STIM1: variants seen among roughly 807,000 people sequenced by gnomAD.
The protein encoded by STIM1 is stromal interaction molecule 1.
STIM1 carries 25 observed loss-of-function variants against 74.7 expected under a neutral mutation model. The ratio of observed to expected loss-of-function variants is 0.33; its 90% CI spans 0.24 to 0.47. STIM1 has a LOEUF of 0.47. STIM1 is among the 20% of genes least tolerant of loss of function. The pLI is 1.00. For missense variants in STIM1, 728 were observed against 920.8 expected (o/e 0.79, Z 2.71); for synonymous variants, 328 against 348.8 (o/e 0.94, Z 0.66).
In STIM1 at chr11:3,973,218, A is replaced by G. The variant is rs1472814496; in HGVS notation, c.270+5536A>G. ...CACCAGCATGGCTGCTACCAAAGTC[A>G]CCACAACCACTGAAGTTTCTCCTCC... On this transcript the variant is annotated intron_variant, in intron 2 of 12. Coordinates refer to ENST00000526596, the MANE Select transcript of STIM1 (RefSeq NM_001382567.1). 82 of 457,518 alleles carry G rather than the reference A, an allele frequency of 1.8e-4. 1 individual carries two copies. The highest frequency in any genetic ancestry group is 2.0e-4 in the Non-Finnish European group (46 of 233,166). 28.3% of individuals were successfully genotyped at this position (457,518 alleles called of 1,614,324 possible).
chr11:3,922,411 C>T (rs968587980), intron 1 of STIM1, among the ~76,000 whole-genome samples: 2 of 151,958 alleles, frequency 1.3e-5, no homozygotes, highest in Admixed American at 1.3e-4. Flanking sequence ...CCCAGTTTTC[C>T]ATTGGGCTAT....
chr11:3,892,832 TG>T (rs1287604660), intron 1 of STIM1: 1 of 1,611,800 alleles, frequency 6.2e-7, no homozygotes, highest in African/African-American at 1.3e-5. Context: ...GAAGGAGACA[TG>T]GCCCAAGGGC....
chr11:3,894,894 A>T (rs891753981), intron 1 of STIM1, among the ~76,000 whole-genome samples: 3 of 139,614 alleles, frequency 2.1e-5, no homozygotes, highest in Non-Finnish European at 4.6e-5. Context: ...ATGTGCCACC[A>T]CGCCTGGCTA....
At chr11:4,075,133 C>T (rs1454361811) in intron 7 of STIM1, among the ~76,000 whole-genome samples, 1 of 151,606 alleles carries the variant, frequency 6.6e-6, no homozygotes, top group African/African-American at 2.4e-5. Flanking sequence ...AAGAGTGAAT[C>T]TCTGTCTCAA....
chr11:4,045,220 G>C (rs2094181261), intron 3 of STIM1, among the ~76,000 whole-genome samples: 1 of 152,010 alleles, frequency 6.6e-6, no homozygotes, highest in African/African-American at 2.4e-5. Context: ...CAAGCAGAAA[G>C]GCCCCTTTGT....
At chr11:3,863,220 ATGTGTGTGTGTGTGTGTGTGTG>A (rs56737126) in intron 1 of STIM1, among the ~76,000 whole-genome samples, 11 of 125,804 alleles carry the variant, frequency 8.7e-5, no homozygotes, top group Admixed American at 3.9e-4. Context: ...GAGACAATGC[ATGTGTGTGTGTGTGTGTGTGTG>A]TGTGTGTGTG....
Position 4,083,362 on chromosome 11 carries a change from C to T in STIM1, c.1338C>T (p.Gly446=). The T allele has an allele frequency of 6.2e-7, 1 of 1,614,256 alleles. No homozygotes were observed. The highest frequency in any genetic ancestry group is 8.5e-7 in the Non-Finnish European group (1 of 1,180,054). The part of the protein sequence containing the change: ...LCGFQIVNNP[G]IHSLVAALNI... The stretch of plus-strand genomic sequence containing the variant: ...GCTTCCAGATTGTCAACAACCCTGG[C>T]ATCCACTCACTGGTGGCTGCCCTCA... The change falls in exon 10 of 13, where the codon GGC becomes GGT. Residue 446 remains glycine, a synonymous_variant. Transcript: ENST00000526596.
At chr11:4,089,068 C>A in intron 12 of STIM1, 28 of 254,784 alleles carry the variant, frequency 1.1e-4, no homozygotes, top group South Asian at 1.9e-4. Flanking sequence ...CCTGTCTCTA[C>A]AAAAAAAAAA....
chr11:3,982,616 A>G (rs2093517446), intron 2 of STIM1, among the ~76,000 whole-genome samples: 1 of 152,206 alleles, frequency 6.6e-6, no homozygotes, highest in South Asian at 2.1e-4. Context: ...CCATAAGGAA[A>G]GAGACTGAAT....
intron 7 of STIM1, among the ~76,000 whole-genome samples, chr11:4,076,691 T>C (rs559700367): frequency 2.0e-5 from 3 of 151,476 alleles, no homozygotes; most frequent in East Asian, 1.9e-4. Context: ...TTGTTTTTTT[T>C]CCCCCAAGTA....
At position 4,083,425 on chromosome 11, in the gene STIM1, C is replaced by G; in HGVS notation, c.1401C>G (p.Asn467Lys). The G allele has an allele frequency of 1.2e-6, 2 of 1,614,272 alleles. No individual in the cohort carries two copies. The highest frequency in any genetic ancestry group is 1.7e-6 in the Non-Finnish European group (2 of 1,180,056). ...DPSWMGSTRP[N>K]PAHFIMTDDV... ...GCTGGATGGGCAGTACACGCCCCAACCCTGCTCACTTCATCATGACTGACG... is the reference window on the plus strand; with the variant it reads ...GCTGGATGGGCAGTACACGCCCCAAGCCTGCTCACTTCATCATGACTGACG... Residue 467 changes from asparagine (N) to lysine (K), a missense_variant, in exon 10 of 13, where the codon AAC becomes AAG. By Grantham distance (94) the Asn-to-Lys change is moderately conservative. Coordinates refer to ENST00000526596, the MANE Select transcript of STIM1 (RefSeq NM_001382567.1).
chr11:3,937,317 T>TAATAATAATAATAATAATAATAATAAA (rs1224367253), intron 1 of STIM1, among the ~76,000 whole-genome samples: 1 of 149,380 alleles, frequency 6.7e-6, no homozygotes, highest in African/African-American at 2.4e-5. Context: ...ATAATAATAA[T>TAATAATAATAATAATAATAATAATAAA]AAAATATCTG....
At chr11:3,972,129 A>G (rs1411752894) in intron 2 of STIM1, among the ~76,000 whole-genome samples, 2 of 152,172 alleles carry the variant, frequency 1.3e-5, no homozygotes, top group South Asian at 2.1e-4. Flanking sequence ...TCATCTTAAA[A>G]GCCTTGCTGA....
chr11:3,941,638 T>TGAG (rs2093007714), intron 1 of STIM1, among the ~76,000 whole-genome samples: 1 of 91,868 alleles, frequency 1.1e-5, no homozygotes, highest in Admixed American at 1.1e-4. Context: ...TATAGAGAGA[T>TGAG]AGTGTGTGTG....
intron 2 of STIM1, among the ~76,000 whole-genome samples, chr11:4,015,411 C>G (rs2093886027): frequency 6.6e-6 from 1 of 152,180 alleles, no homozygotes; most frequent in Non-Finnish European, 1.5e-5. Context: ...GCCAAGAGAT[C>G]CACTGTTAGT....
chr11:3,977,292 A>G (rs1253650643), intron 2 of STIM1, among the ~76,000 whole-genome samples: 1 of 152,206 alleles, frequency 6.6e-6, no homozygotes, highest in Non-Finnish European at 1.5e-5. Flanking sequence ...AGTCTTAGCA[A>G]GGGTGTGATC....
At chr11:4,071,996 T>TAAC (rs1174424298) in intron 6 of STIM1, among the ~76,000 whole-genome samples, 1 of 152,210 alleles carries the variant, frequency 6.6e-6, no homozygotes, top group African/African-American at 2.4e-5. Context: ...TCTTGGGCCC[T>TAAC]TTGCCAGTTA....
chr11:3,895,614 CTTTCTTTCTTTCTTTCTTTCTTT>C (rs2092048377), intron 1 of STIM1, among the ~76,000 whole-genome samples: 1 of 62,372 alleles, frequency 1.6e-5, no homozygotes, highest in Non-Finnish European at 3.1e-5. Flanking sequence ...CTCTCTCTTT[CTTTCTTTCTTTCTTTCTTTCTTT>C]CTTTCTTTCT....
At chr11:3,865,082 C>G (rs2090804013) in intron 1 of STIM1, among the ~76,000 whole-genome samples, 1 of 152,204 alleles carries the variant, frequency 6.6e-6, no homozygotes, top group Non-Finnish European at 1.5e-5. Context: ...ACTACTCCAA[C>G]TTGGCTTCTG....
Sources: gnomAD v4.1 joint callset for allele counts (sites outside exome capture counted in the v4.1 genomes callset) on GRCh38, gnomAD v4.1.1 for gene constraint, MANE v1.5 for transcripts, NCBI Gene and HGNC (gene_info 2026-07-23, HGNC 2026-07-21) for gene names.